The following AKT3 variants were observed in gnomAD, a reference collection of about 807,000 sequenced individuals.
AKT3 encodes the protein RAC-gamma serine/threonine-protein kinase.
A neutral mutation model predicts 65.3 loss-of-function variants in AKT3; 15 were observed. That is an observed-to-expected ratio of 0.23 (90% CI 0.15 to 0.35). AKT3 has a LOEUF of 0.35. AKT3 is among the 10% of genes least tolerant of loss of function. The pLI, the probability that AKT3 is intolerant of heterozygous loss-of-function variation, is 1.00. For missense variants in AKT3, 243 were observed against 576.5 expected, an observed-to-expected ratio of 0.42 and a Z score of 5.92; for synonymous variants, 206 against 183.8, an observed-to-expected ratio of 1.12 and a Z score of -0.98.
chr1:243,746,031 A>C (rs1358544830), intron 2 of AKT3, among the ~76,000 whole-genome samples: 2 of 152,250 alleles, frequency 1.3e-5, no homozygotes, highest in African/African-American at 4.8e-5. Context: ...TGCAGGTATC[A>C]AAAACTTCAA....
chr1:243,710,387 T>G (rs1686068823), intron 2 of AKT3, among the ~76,000 whole-genome samples: 1 of 152,212 alleles, frequency 6.6e-6, no homozygotes, highest in South Asian at 2.1e-4. Context: ...CTGGCATCCA[T>G]CACCATGTGC....
chr1:243,671,606 C>T (rs1014189060), intron 3 of AKT3, among the ~76,000 whole-genome samples: 3 of 152,146 alleles, frequency 2.0e-5, no homozygotes, highest in Admixed American at 6.5e-5. Flanking sequence ...TTCATTTAAT[C>T]CAATGAGCGG....
intron 12 of AKT3, among the ~76,000 whole-genome samples, chr1:243,543,768 G>A (rs1170300357): frequency 6.6e-6 from 1 of 152,210 alleles, no homozygotes; most frequent in Non-Finnish European, 1.5e-5. Flanking sequence ...CATAAAGGTT[G>A]TGAAGGATTC....
chr1:243,511,491 AT>A (rs1447563936), intron 13 of AKT3, among the ~76,000 whole-genome samples: 2 of 152,014 alleles, frequency 1.3e-5, no homozygotes, highest in Non-Finnish European at 2.9e-5. Context: ...CAAAAAAGGA[AT>A]GAGAGGAGAA....
chr1:243,668,478 T>A (rs1180077148), intron 3 of AKT3, among the ~76,000 whole-genome samples: 1 of 152,114 alleles, frequency 6.6e-6, no homozygotes, highest in Non-Finnish European at 1.5e-5. Context: ...TCATCGGGAA[T>A]AACGTTGCAA....
At chr1:243,688,842 A>C (rs910979043) in intron 3 of AKT3, among the ~76,000 whole-genome samples, 2 of 151,792 alleles carry the variant, frequency 1.3e-5, no homozygotes, top group Admixed American at 1.3e-4. Flanking sequence ...TTTTTCCTCC[A>C]GCATAAATTC....
intron 3 of AKT3, among the ~76,000 whole-genome samples, chr1:243,682,009 G>C (rs1013552488): frequency 6.6e-6 from 1 of 151,682 alleles, no homozygotes; most frequent in Non-Finnish European, 1.5e-5. Flanking sequence ...CAAATATAAT[G>C]GGCAAACAAT....
intron 2 of AKT3, among the ~76,000 whole-genome samples, chr1:243,815,328 T>G (rs1164663967): frequency 1.3e-5 from 2 of 152,214 alleles, no homozygotes; most frequent in African/African-American, 2.4e-5. Flanking sequence ...ATTTTCCATC[T>G]TATTGCACAT....
chr1:243,725,964 G>A (rs1015150153), intron 2 of AKT3, among the ~76,000 whole-genome samples: 2 of 152,178 alleles, frequency 1.3e-5, no homozygotes, highest in African/African-American at 4.8e-5. Flanking sequence ...AGAAGACTAG[G>A]AAAGCTACTG....
intron 8 of AKT3, among the ~76,000 whole-genome samples, chr1:243,585,715 C>T (rs1675751031): frequency 6.6e-6 from 1 of 152,154 alleles, no homozygotes; most frequent in South Asian, 2.1e-4. Context: ...GGACCCCTAT[C>T]TTTTACCATA....
intron 5 of AKT3, among the ~76,000 whole-genome samples, chr1:243,642,307 T>TTTTG (rs765706936): frequency 1.6e-4 from 25 of 152,296 alleles, no homozygotes; most frequent in Non-Finnish European, 2.6e-4. Flanking sequence ...AAGTCCTTTT[T>TTTTG]TTTGTTTGTT....
At chr1:243,585,181 G>A (rs548225496) in intron 8 of AKT3, among the ~76,000 whole-genome samples, 1 of 151,862 alleles carries the variant, frequency 6.6e-6, no homozygotes, top group Admixed American at 6.6e-5. Context: ...TAACCAAGAA[G>A]GTAAAAGATC....
intron 8 of AKT3, among the ~76,000 whole-genome samples, chr1:243,610,195 A>G (rs944721123): frequency 7.2e-5 from 11 of 152,106 alleles, no homozygotes; most frequent in Non-Finnish European, 2.9e-5. Context: ...ATCAATTTCT[A>G]TTTTTCTTCC....
chr1:243,647,047 C>T (rs577614499), intron 4 of AKT3, among the ~76,000 whole-genome samples: 8 of 152,190 alleles, frequency 5.3e-5, no homozygotes, highest in Non-Finnish European at 8.8e-5. Context: ...GGAAAACTAC[C>T]ATCGTAATCA....
chr1:243,705,390 CTT>C (rs1350680703), intron 2 of AKT3, among the ~76,000 whole-genome samples: 1 of 152,116 alleles, frequency 6.6e-6, no homozygotes, highest in Non-Finnish European at 1.5e-5. Flanking sequence ...TTACAATTTT[CTT>C]TTGTTTTCCA....
chr1:243,680,030 A>C (rs1683807129), intron 3 of AKT3, among the ~76,000 whole-genome samples: 1 of 152,202 alleles, frequency 6.6e-6, no homozygotes, highest in South Asian at 2.1e-4. Context: ...CCCTATAGAG[A>C]CAGAAACTTT....
chr1:243,638,363 G>C (rs1680132381), intron 5 of AKT3, among the ~76,000 whole-genome samples: 1 of 152,110 alleles, frequency 6.6e-6, no homozygotes, highest in African/African-American at 2.4e-5. Context: ...TAATGTGCCT[G>C]TTTTCAGTTT....
intron 6 of AKT3, among the ~76,000 whole-genome samples, chr1:243,615,363 G>A (rs1237612480): frequency 6.6e-6 from 1 of 152,066 alleles, no homozygotes; most frequent in Non-Finnish European, 1.5e-5. Context: ...TCAGATGATT[G>A]TATAAGTTCA....
chr1:243,598,305 G>C (rs1676767555), intron 8 of AKT3, among the ~76,000 whole-genome samples: 1 of 151,996 alleles, frequency 6.6e-6, no homozygotes, highest in Non-Finnish European at 1.5e-5. Flanking sequence ...TCTTATCTTT[G>C]TTCAAAAAGG....
Sources: allele counts gnomAD v4.1 joint callset (sites outside exome capture counted in the v4.1 genomes callset), GRCh38; gene constraint gnomAD v4.1.1; transcripts MANE v1.5; gene names NCBI Gene and HGNC (gene_info 2026-07-23, HGNC 2026-07-21).